Variants in MGAT4C observed in about 807,000 individuals in gnomAD.
The protein encoded by MGAT4C is alpha-1,3-mannosyl-glycoprotein 4-beta-N-acetylglucosaminyltransferase C.
Under a neutral mutation model 40.1 loss-of-function variants are expected in MGAT4C, and 19 were observed. The observed-to-expected ratio is 0.47, with a 90% CI of 0.33 to 0.70. The LOEUF is 0.70. MGAT4C is among the 30% of genes least tolerant of loss of function. The pLI is 0.02. For synonymous variants in MGAT4C, 181 were observed against 187.1 expected (o/e 0.97, Z 0.27); for missense variants, 491 against 563.2 (o/e 0.87, Z 1.30).
intron 1 of MGAT4C, among the ~76,000 whole-genome samples, chr12:86,148,152 T>C (rs937209122): frequency 6.6e-5 from 10 of 152,210 alleles, no homozygotes; most frequent in Non-Finnish European, 1.2e-4. Flanking sequence ...AAAAGACTTC[T>C]TGCAAACACT....
At chr12:86,490,100 C>A (rs2136321968) in intron 2 of MGAT4C, among the ~76,000 whole-genome samples, 1 of 152,168 alleles carries the variant, frequency 6.6e-6, no homozygotes, top group Non-Finnish European at 1.5e-5. Flanking sequence ...TCGAGAAGAG[C>A]AACTCCAAAA....
intron 2 of MGAT4C, among the ~76,000 whole-genome samples, chr12:86,612,520 C>T (rs559808398): frequency 1.3e-5 from 2 of 152,110 alleles, no homozygotes; most frequent in African/African-American, 2.4e-5. Flanking sequence ...GAGGCCAAGG[C>T]AAGCAGATCA....
At chr12:86,222,817 A>G (rs1412424546) in intron 1 of MGAT4C, among the ~76,000 whole-genome samples, 2 of 152,224 alleles carry the variant, frequency 1.3e-5, no homozygotes, top group East Asian at 1.9e-4. Context: ...AAGATTAAAT[A>G]AGCAAGAGAG....
intron 2 of MGAT4C, among the ~76,000 whole-genome samples, chr12:86,677,353 C>T (rs1185399268): frequency 6.6e-6 from 1 of 152,124 alleles, no homozygotes; most frequent in Non-Finnish European, 1.5e-5. Context: ...GTACTAACTT[C>T]ATCTTTCACT....
At chr12:86,825,850 C>A (rs995825769) in intron 1 of MGAT4C, among the ~76,000 whole-genome samples, 1 of 151,358 alleles carries the variant, frequency 6.6e-6, no homozygotes, top group Non-Finnish European at 1.5e-5. Context: ...TAAAAAATAT[C>A]TCCTCTGACT....
intron 3 of MGAT4C, among the ~76,000 whole-genome samples, chr12:85,984,555 T>A (rs1324785328): frequency 6.6e-6 from 1 of 152,140 alleles, no homozygotes; most frequent in Non-Finnish European, 1.5e-5. Flanking sequence ...TAATTGCCCT[T>A]CTTTGATATA....
chr12:86,510,734 G>A (rs1435195131), intron 2 of MGAT4C, among the ~76,000 whole-genome samples: 1 of 152,098 alleles, frequency 6.6e-6, no homozygotes, highest in African/African-American at 2.4e-5. Flanking sequence ...AAGATCAAAA[G>A]AGACAAAGAA....
At chr12:86,654,323 T>C (rs551180230) in intron 2 of MGAT4C, among the ~76,000 whole-genome samples, 1 of 120,898 alleles carries the variant, frequency 8.3e-6, no homozygotes, top group South Asian at 3.2e-4. Flanking sequence ...TAGAAACTAA[T>C]AGAAAATAAG....
chr12:86,819,339 GT>G (rs1403292306), intron 1 of MGAT4C, among the ~76,000 whole-genome samples: 1 of 150,754 alleles, frequency 6.6e-6, no homozygotes, highest in African/African-American at 2.4e-5. Context: ...TGTAGTATAG[GT>G]TGCTATATTT....
At chr12:86,722,813 C>T (rs1044714707) in intron 2 of MGAT4C, among the ~76,000 whole-genome samples, 2 of 152,178 alleles carry the variant, frequency 1.3e-5, no homozygotes, top group African/African-American at 4.8e-5. Flanking sequence ...GGTCAAATGT[C>T]TATTCCTCAT....
chr12:86,039,669 G>A (rs903306493), intron 2 of MGAT4C, among the ~76,000 whole-genome samples: 4 of 151,946 alleles, frequency 2.6e-5, no homozygotes, highest in Admixed American at 6.6e-5. Flanking sequence ...GTTAGAACAC[G>A]CTCCTTTAGC....
At chr12:86,491,750 C>T (rs1958140332) in intron 2 of MGAT4C, among the ~76,000 whole-genome samples, 2 of 150,506 alleles carry the variant, frequency 1.3e-5, no homozygotes, top group South Asian at 4.2e-4. Flanking sequence ...CAGGGATGCC[C>T]TCTCTCACCA....
intron 1 of MGAT4C, among the ~76,000 whole-genome samples, chr12:86,826,621 A>G (rs1952813742): frequency 1.3e-5 from 2 of 151,428 alleles, no homozygotes; most frequent in Non-Finnish European, 3.0e-5. Context: ...TAAGAATGTA[A>G]CAGTTATAAT....
At chr12:86,267,157 G>C (rs552211433) in intron 4 of MGAT4C, among the ~76,000 whole-genome samples, 1 of 151,234 alleles carries the variant, frequency 6.6e-6, no homozygotes, top group East Asian at 1.9e-4. Context: ...GTTTGTTTTT[G>C]CTTTTCTAGT....
intron 4 of MGAT4C, among the ~76,000 whole-genome samples, chr12:86,323,338 TA>T (rs1416836438): frequency 6.6e-6 from 1 of 151,734 alleles, no homozygotes; most frequent in Non-Finnish European, 1.5e-5. Flanking sequence ...TAATCATCCA[TA>T]TTTTAATATT....
intron 2 of MGAT4C, among the ~76,000 whole-genome samples, chr12:86,036,927 CT>C (rs1038403581): frequency 5.3e-5 from 8 of 149,698 alleles, no homozygotes; most frequent in Admixed American, 1.3e-4. Flanking sequence ...TGGTCCTGGA[CT>C]TTTTTTGGTT....
At chr12:86,284,947 T>G in intron 4 of MGAT4C, among the ~76,000 whole-genome samples, 1 of 152,034 alleles carries the variant, frequency 6.6e-6, no homozygotes, top group East Asian at 1.9e-4. Context: ...TTTTAGCAAC[T>G]AAACTTTGGT....
intron 1 of MGAT4C, among the ~76,000 whole-genome samples, chr12:86,746,763 C>T (rs1951160166): frequency 6.6e-6 from 1 of 151,550 alleles, no homozygotes; most frequent in Non-Finnish European, 1.5e-5. Flanking sequence ...GGAAGATCAA[C>T]AAATATCACC....
intron 1 of MGAT4C, among the ~76,000 whole-genome samples, chr12:86,770,511 A>T (rs1759396439): frequency 6.6e-6 from 1 of 152,072 alleles, no homozygotes; most frequent in African/African-American, 2.4e-5. Flanking sequence ...CTCAAAACAT[A>T]TTAAATATTA....
Sources: gnomAD v4.1 joint callset for allele counts (sites outside exome capture counted in the v4.1 genomes callset) on GRCh38, gnomAD v4.1.1 for gene constraint, MANE v1.5 for transcripts, NCBI Gene and HGNC (gene_info 2026-07-23, HGNC 2026-07-21) for gene names.